Variants in RAPGEF2 observed in about 807,000 individuals in gnomAD.
RAPGEF2 encodes the protein PDZ domain containing guanine nucleotide exchange factor (GEF) 1.
In RAPGEF2, 54 loss-of-function variants were observed where a neutral mutation model predicts 186.7. That is an observed-to-expected ratio of 0.29 (90% CI 0.23 to 0.36). The LOEUF (loss-of-function observed/expected upper bound fraction) is 0.36, where lower values mean the gene tolerates loss of function less well. RAPGEF2 is among the 10% of genes least tolerant of loss of function. The probability of loss-of-function intolerance (pLI) is 1.00; values close to 1 mark genes in which losing one functional copy is unlikely to be tolerated. For synonymous variants in RAPGEF2, 712 were observed against 705.9 expected (o/e 1.01, Z -0.14); for missense variants, 1,532 against 2,045.0 (o/e 0.75, Z 4.84).
At chr4:159,255,556 C>T (rs1439189329) in intron 7 of RAPGEF2, among the ~76,000 whole-genome samples, 1 of 152,120 alleles carries the variant, frequency 6.6e-6, no homozygotes, top group Non-Finnish European at 1.5e-5. Context: ...GATAGAGCTG[C>T]CTTTGGAAAG....
intron 8 of RAPGEF2, among the ~76,000 whole-genome samples, chr4:159,305,339 C>T (rs188413286): frequency 6.6e-6 from 1 of 152,108 alleles, no homozygotes; most frequent in East Asian, 1.9e-4. Context: ...TCCTCACCAT[C>T]TGTTACTATT....
Position 159,341,660 on chromosome 4 carries a change from C to T in RAPGEF2, c.2631C>T (p.Leu877=), listed in dbSNP as rs773812974. The T allele has an allele frequency of 3.1e-6, 5 of 1,614,084 alleles. No homozygotes were observed. The Admixed American group carries it at 6.7e-5, about 22-fold the overall frequency. ...AGAGTCAAATTTCCCTCCTTCAGCTCAGCACTGTGGAAGTTGCAACACAGC... is the reference window on the plus strand; with the variant it reads ...AGAGTCAAATTTCCCTCCTTCAGCTTAGCACTGTGGAAGTTGCAACACAGC... The part of the protein sequence containing the change: ...LRESQISLLQ[L]STVEVATQLS... Residue 877 remains leucine (L), a synonymous_variant, in exon 20 of 30, where the codon CTC becomes CTT. Transcript: ENST00000691494.
intron 1 of RAPGEF2, among the ~76,000 whole-genome samples, chr4:159,149,875 C>T (rs1743345408): frequency 6.6e-6 from 1 of 152,142 alleles, no homozygotes; most frequent in Non-Finnish European, 1.5e-5. Context: ...CTATCATAAA[C>T]AGATGTGATG....
intron 7 of RAPGEF2, among the ~76,000 whole-genome samples, chr4:159,294,945 G>A (rs1331738091): frequency 1.3e-5 from 2 of 152,064 alleles, no homozygotes; most frequent in Non-Finnish European, 2.9e-5. Context: ...TACCTGCCTC[G>A]GCCTCCCAAA....
chr4:159,235,456 C>T lies in RAPGEF2; in HGVS notation c.282-3353C>T, dbSNP rs113222920. Among the ~76,000 whole-genome samples the T allele has an allele frequency of 3.5e-3, 528 of 152,288 alleles. 2 individuals are homozygous for T. Among genetic ancestry groups the T allele is most frequent in the African/African-American group, 0.011 (469 of 41,550 alleles). ...TTCATTGTGCACACTGGATCCTCTA[C>T]GGCTTGCCTGCACTCACACTCTTTA... is the stretch of plus-strand genomic sequence containing the variant. On this transcript the variant is annotated intron_variant, in intron 4 of 29. Transcript: ENST00000691494.
rs1579300643 is a variant in RAPGEF2, at chr4:159,145,338, G to A, written c.69+41107G>A. Among the ~76,000 whole-genome samples, 3 of 152,180 alleles carry A rather than the reference G, an allele frequency of 2.0e-5. No individual in the cohort carries two copies. In the South Asian group the frequency reaches 6.2e-4, roughly 32 times the overall value. On this transcript the variant is annotated intron_variant, in intron 1 of 29. Coordinates refer to ENST00000691494, the MANE Select transcript of RAPGEF2 (RefSeq NM_001394067.2). ...CTGTGTAATTTTTAATTTTCTAGGAGCCACACTATAAAAGGTAAAATGAAA... is the reference window on the plus strand; with the variant it reads ...CTGTGTAATTTTTAATTTTCTAGGAACCACACTATAAAAGGTAAAATGAAA...
At chr4:159,142,449 T>G (rs1031623239) in intron 1 of RAPGEF2, among the ~76,000 whole-genome samples, 1 of 151,692 alleles carries the variant, frequency 6.6e-6, no homozygotes, top group Non-Finnish European at 1.5e-5. Flanking sequence ...TGTCTACATT[T>G]CATGAGTCAG....
At chr4:159,118,503 T>G (rs1227649921) in intron 1 of RAPGEF2, among the ~76,000 whole-genome samples, 3 of 123,894 alleles carry the variant, frequency 2.4e-5, no homozygotes. Flanking sequence ...CGCCCAACCC[T>G]GTGGAAAAAG....
At chr4:159,351,238 A>ACT in intron 26 of RAPGEF2, 1 of 1,465,602 alleles carries the variant, frequency 6.8e-7, no homozygotes, top group Non-Finnish European at 9.1e-7. Flanking sequence ...CTCATTAGTT[A>ACT]ATGAAAATGG....
chr4:159,267,711 T>G (rs1490618521), intron 7 of RAPGEF2: 20 of 1,002,620 alleles, frequency 2.0e-5, no homozygotes, highest in Non-Finnish European at 2.3e-5. Flanking sequence ...GCCTGGTTCT[T>G]ATACCACCCT....
In RAPGEF2 at chr4:159,334,259, TA is replaced by T. The variant is rs570469982; in HGVS notation, c.2135+1563del. 3.6e-4 allele frequency among the ~76,000 whole-genome samples: 55 copies of T among 152,322 alleles called. No individual in the cohort carries two copies. In the South Asian group the frequency reaches 9.8e-3, roughly 27 times the overall value. On this transcript the variant is annotated intron_variant, in intron 17 of 29. Coordinates refer to ENST00000691494, the MANE Select transcript of RAPGEF2 (RefSeq NM_001394067.2). ...TAAATGCAGATTTTTTAAATTAATT[TA>T]TTTTTTTGAGACAGAGGCTCGCTCT...
intron 1 of RAPGEF2, among the ~76,000 whole-genome samples, chr4:159,156,176 G>A (rs1426604629): frequency 6.6e-6 from 1 of 152,130 alleles, no homozygotes; most frequent in African/African-American, 2.4e-5. Flanking sequence ...GCTTGATTGA[G>A]GAAGGATCCA....
intron 7 of RAPGEF2, among the ~76,000 whole-genome samples, chr4:159,275,396 A>G (rs1379389604): frequency 6.6e-6 from 1 of 152,154 alleles, no homozygotes; most frequent in African/African-American, 2.4e-5. Context: ...TTCTTCTTTA[A>G]TGAACTCTAG....
intron 1 of RAPGEF2, among the ~76,000 whole-genome samples, chr4:159,127,060 C>G (rs1485456129): frequency 6.6e-6 from 1 of 152,080 alleles, no homozygotes; most frequent in Non-Finnish European, 1.5e-5. Flanking sequence ...GAGTTTTGCT[C>G]TTGTCGCCCA....
At chr4:159,304,218 G>T (rs1316442219) in intron 7 of RAPGEF2, 124 bp from the exon 8 acceptor site, 1 of 893,902 alleles carries the variant, frequency 1.1e-6, no homozygotes, top group East Asian at 2.9e-5. Context: ...ATTTGTGAAT[G>T]TGGAAAATGA....
In RAPGEF2 at chr4:159,193,270, TTTTG is replaced by T. The variant is rs1748300165; in HGVS notation, c.197+20_197+23del. ...AGTTTTATACTAGTAGGTGTTTCCT[TTTTG>T]TTTGTACAATGTATCTAATCCAGTG... On this transcript the variant is annotated intron_variant, in intron 3 of 29. Coordinates refer to ENST00000691494, the MANE Select transcript of RAPGEF2 (RefSeq NM_001394067.2). 1 of 1,465,158 alleles carries T rather than the reference TTTTG, an allele frequency of 6.8e-7. No individual in the cohort carries two copies. 90.8% of individuals were successfully genotyped at this position (1,465,158 alleles called of 1,614,324 possible).
intron 5 of RAPGEF2, among the ~76,000 whole-genome samples, chr4:159,240,331 CTTTTTTT>C (rs370477370): frequency 5.2e-5 from 4 of 77,606 alleles, no homozygotes; most frequent in East Asian, 4.0e-4. Flanking sequence ...AGCATTTCTA[CTTTTTTT>C]TTTTTTTTTT....
intron 18 of RAPGEF2, 74 bp downstream of exon 18, chr4:159,338,542 G>A (rs1767796107): frequency 6.6e-6 from 9 of 1,372,964 alleles, no homozygotes; most frequent in Non-Finnish European, 9.0e-6. Flanking sequence ...CATATTATAT[G>A]TATCTCTCTT....
At chr4:159,110,311 G>C (rs1738354708) in intron 1 of RAPGEF2, among the ~76,000 whole-genome samples, 1 of 152,324 alleles carries the variant, frequency 6.6e-6, no homozygotes, top group African/African-American at 2.4e-5. Context: ...AACTAGGCCA[G>C]GTGCTGTGGC....
Sources: gnomAD v4.1 joint callset for allele counts (sites outside exome capture counted in the v4.1 genomes callset) on GRCh38, gnomAD v4.1.1 for gene constraint, MANE v1.5 for transcripts, NCBI Gene and HGNC (gene_info 2026-07-23, HGNC 2026-07-21) for gene names.